The following GAS2 variants were observed in gnomAD, a reference collection of about 807,000 sequenced individuals.
The protein encoded by GAS2 is growth arrest specific 2, also known as growth arrest-specific protein 2.
In GAS2, 20 loss-of-function variants were observed where a neutral mutation model predicts 37.5. The ratio of observed to expected loss-of-function variants is 0.53; its 90% CI spans 0.37 to 0.77. GAS2 has a LOEUF of 0.77. Ranked by LOEUF, GAS2 falls within the 30% of genes least tolerant of loss-of-function variation. GAS2 has a pLI of 0.00. For missense variants in GAS2, 336 were observed against 373.4 expected, an observed-to-expected ratio of 0.90 and a Z score of 0.82; for synonymous variants, 144 against 132.2, an observed-to-expected ratio of 1.09 and a Z score of -0.61.
chr11:22,782,811 T>C (rs1285501970), intron 7 of GAS2, among the ~76,000 whole-genome samples: 3 of 149,454 alleles, frequency 2.0e-5, no homozygotes, highest in African/African-American at 7.4e-5. Flanking sequence ...CGTACCATGG[T>C]ATATATGTAC....
At position 22,675,658 on chromosome 11, in the gene GAS2, G is replaced by C. The variant is rs1031518110; in HGVS notation, c.145+644G>C. Among the ~76,000 whole-genome samples the C allele has an allele frequency of 4.1e-5, 6 of 145,896 alleles. No homozygotes were observed. In the Admixed American group the frequency reaches 4.3e-4, roughly 10 times the overall value. ...TAAAATTTCAACTATGTGAAAAATA[G>C]AATCACATGTTTAAAGGATCATCAT... On this transcript the variant is annotated intron_variant, in intron 2 of 7. Transcript: ENST00000454584.
chr11:22,677,475 A>G (rs1565079662), intron 2 of GAS2, among the ~76,000 whole-genome samples: 2 of 152,240 alleles, frequency 1.3e-5, no homozygotes, highest in Non-Finnish European at 2.9e-5. Context: ...AGTATGATCT[A>G]TGAGAAGCCA....
Position 22,801,574 on chromosome 11 carries a change from A to G in GAS2, c.724-10224A>G, listed in dbSNP as rs926341940. On this transcript the variant is annotated intron_variant, in intron 7 of 7. Transcript: ENST00000454584. ...GATGTAATAAATCACTGCTGTATCA[A>G]TATATTAAATGATACACGGACCATT... 2.6e-5 allele frequency among the ~76,000 whole-genome samples: 4 copies of G among 152,102 alleles called. No homozygotes were observed. In the East Asian group the frequency reaches 7.7e-4, roughly 29 times the overall value.
chr11:22,647,891 G>T (rs1848721985), intron 1 of GAS2, among the ~76,000 whole-genome samples: 3 of 152,124 alleles, frequency 2.0e-5, no homozygotes, highest in Admixed American at 1.3e-4. Context: ...CACTCTGATG[G>T]TAGTTTCTTT....
At chr11:22,724,053 A>G (rs978533695) in intron 3 of GAS2, among the ~76,000 whole-genome samples, 13 of 151,886 alleles carry the variant, frequency 8.6e-5, no homozygotes, top group African/African-American at 3.1e-4. Flanking sequence ...TTCTTGAATT[A>G]TTTCTAAATT....
At chr11:22,722,494 G>C (rs1851996620) in intron 3 of GAS2, among the ~76,000 whole-genome samples, 2 of 151,866 alleles carry the variant, frequency 1.3e-5, no homozygotes, top group South Asian at 2.1e-4. Flanking sequence ...AATATAGCAT[G>C]ACTCTTGCTA....
chr11:22,800,703 T>C (rs967361704), intron 7 of GAS2, among the ~76,000 whole-genome samples: 1 of 152,066 alleles, frequency 6.6e-6, no homozygotes, highest in African/African-American at 2.4e-5. Context: ...CGATGACACC[T>C]GACACATTTC....
At chr11:22,695,460 T>G (rs1850456894) in intron 3 of GAS2, among the ~76,000 whole-genome samples, 2 of 152,268 alleles carry the variant, frequency 1.3e-5, no homozygotes, top group East Asian at 1.9e-4. Flanking sequence ...GAATCCACCA[T>G]GTACCCTCCC....
At chr11:22,729,892 G>C (rs1394336206) in intron 4 of GAS2, among the ~76,000 whole-genome samples, 1 of 151,616 alleles carries the variant, frequency 6.6e-6, no homozygotes, top group Non-Finnish European at 1.5e-5. Context: ...TCTTTGGAAG[G>C]CAATTTTATA....
chr11:22,787,874 C>G (rs1855893383), intron 7 of GAS2, among the ~76,000 whole-genome samples: 1 of 152,112 alleles, frequency 6.6e-6, no homozygotes, highest in Admixed American at 6.6e-5. Context: ...TGAAAGAGAT[C>G]TTAAATATGG....
intron 1 of GAS2, among the ~76,000 whole-genome samples, chr11:22,636,823 A>G (rs1403185129): frequency 2.7e-5 from 4 of 149,558 alleles, no homozygotes; most frequent in Non-Finnish European, 4.4e-5. Flanking sequence ...ATAAAGATAT[A>G]GGTATATATA....
chr11:22,712,571 T>C (rs1467870580), intron 3 of GAS2, among the ~76,000 whole-genome samples: 2 of 152,172 alleles, frequency 1.3e-5, no homozygotes, highest in Non-Finnish European at 2.9e-5. Flanking sequence ...GTTCCAGATA[T>C]TTCCAATGAA....
chr11:22,746,409 CAT>C (rs755945896), intron 5 of GAS2, among the ~76,000 whole-genome samples: 5 of 152,130 alleles, frequency 3.3e-5, no homozygotes, highest in African/African-American at 4.8e-5. Context: ...CACAGGCACT[CAT>C]GTGTTCATAG....
Position 22,637,622 on chromosome 11 carries a change from T to C in GAS2, c.-21+11809T>C, listed in dbSNP as rs1237733904. Among the ~76,000 whole-genome samples, 2 of 131,594 alleles carry C rather than the reference T, an allele frequency of 1.5e-5. 1 individual carries two copies. Among genetic ancestry groups the C allele is most frequent in the East Asian group, 4.3e-4 (2 of 4,618 alleles). 86.3% of individuals were successfully genotyped at this position (131,594 alleles called of 152,430 possible). A position where few individuals can be genotyped will look rare whatever the true frequency, so the allele number is the denominator to read the frequency against. On this transcript the variant is annotated intron_variant, in intron 1 of 5. Transcript: ENST00000528582. ...ATACTTAATATAATATTAATTATAT[T>C]AATATTTAATATAAATATTTATATA...
chr11:22,789,317 C>CACACACACACACACAA (rs1176229685), intron 7 of GAS2, among the ~76,000 whole-genome samples: 1 of 136,526 alleles, frequency 7.3e-6, no homozygotes, highest in Non-Finnish European at 1.6e-5. Context: ...CACACACACA[C>CACACACACACACACAA]ACACACACAC....
intron 3 of GAS2, among the ~76,000 whole-genome samples, chr11:22,709,250 T>C (rs1263339767): frequency 2.6e-5 from 4 of 151,764 alleles, no homozygotes; most frequent in Admixed American, 2.6e-4. Context: ...TAAATCACCA[T>C]AGAAAGGTAA....
At chr11:22,697,428 C>G (rs1265545288) in intron 3 of GAS2, among the ~76,000 whole-genome samples, 6 of 152,136 alleles carry the variant, frequency 3.9e-5, no homozygotes, top group Non-Finnish European at 8.8e-5. Context: ...GCGATGCGGG[C>G]TCTTTTTTGG....
At chr11:22,707,654 G>T (rs11026745) in intron 3 of GAS2, among the ~76,000 whole-genome samples, 3,977 of 152,204 alleles carry the variant, frequency 0.026, 161 homozygotes, top group African/African-American at 0.084. Context: ...CAGAGAAATT[G>T]GTGGCAAATG....
At position 22,782,000 on chromosome 11, in the gene GAS2, G is replaced by A. The variant is rs557843177; in HGVS notation, c.723+26047G>A. Among the ~76,000 whole-genome samples, 16 of 152,262 alleles carry A rather than the reference G, an allele frequency of 1.1e-4. No homozygotes were observed. In the South Asian group the frequency reaches 2.1e-3, roughly 20 times the overall value. On this transcript the variant is annotated intron_variant, in intron 7 of 7. Transcript: ENST00000454584. ...AATCAGTTGATGGTCTGCATTTCAT[G>A]TATATGTTTTTTATTAGTTAAAATG...
Sources: gnomAD v4.1 joint callset for allele counts (sites outside exome capture counted in the v4.1 genomes callset) on GRCh38, gnomAD v4.1.1 for gene constraint, MANE v1.5 for transcripts, NCBI Gene and HGNC (gene_info 2026-07-23, HGNC 2026-07-21) for gene names.